Variants in SAXO3 observed in about 807,000 individuals in gnomAD.
SAXO3 encodes the protein CTB-60B18.10.
the SAXO3 span, chr19:49,018,096 G>A: frequency 2.5e-6 from 1 of 399,140 alleles, no homozygotes; most frequent in Non-Finnish European, 4.4e-6. Flanking sequence ...GGGCAGAAGC[G>A]GTCGAGCCGC....
the SAXO3 span, chr19:49,019,310 G>C: frequency 1.7e-6 from 2 of 1,195,618 alleles, no homozygotes; most frequent in Admixed American, 7.8e-5. Flanking sequence ...GTCTTAAACC[G>C]TCTTGGTGTG....
chr19:49,019,907 A>G, the SAXO3 span: 5 of 1,469,380 alleles, frequency 3.4e-6, no homozygotes, highest in East Asian at 7.6e-5. Context: ...CCCAAACTTT[A>G]CCTTTTCTCC....
the SAXO3 span, chr19:49,019,483 C>G: frequency 1.5e-5 from 18 of 1,219,082 alleles, no homozygotes; most frequent in Non-Finnish European, 1.7e-5. Context: ...AGTCCCTGGT[C>G]CTTCTGGCCT....
chr19:49,020,088 G>T, the SAXO3 span: 22 of 1,374,766 alleles, frequency 1.6e-5, no homozygotes, highest in Non-Finnish European at 2.0e-5. Context: ...GCAACTTGGG[G>T]TAGAGGGTCC....
At chr19:49,019,862 G>A in the SAXO3 span, 2 of 1,311,618 alleles carry the variant, frequency 1.5e-6, no homozygotes, top group South Asian at 1.5e-5. Flanking sequence ...CTCAAATGCA[G>A]TCCCCCGCCC....
the SAXO3 span, chr19:49,019,710 G>T: frequency 8.4e-7 from 1 of 1,187,964 alleles, no homozygotes; most frequent in East Asian, 3.2e-5. Flanking sequence ...AGTATTCCGG[G>T]GCGCGCGGGT....
At chr19:49,018,805 G>A in the SAXO3 span, 8,198 of 1,351,326 alleles carry the variant, frequency 6.1e-3, 41 homozygotes, top group Non-Finnish European at 7.6e-3. Flanking sequence ...GCCAGCCCAG[G>A]GGCTCGGCGT....
the SAXO3 span, chr19:49,019,240 G>C: frequency 7.5e-7 from 1 of 1,335,850 alleles, no homozygotes; most frequent in Non-Finnish European, 9.6e-7. Context: ...ACCTTCTGCT[G>C]TTCAAGGAAC....
At chr19:49,019,013 G>C in the SAXO3 span, 133 of 1,529,304 alleles carry the variant, frequency 8.7e-5, 1 homozygote, top group South Asian at 8.7e-4. Flanking sequence ...GAGCAAGATT[G>C]GGGGAGGAGG....
At chr19:49,018,555 A>C in the SAXO3 span, among the ~76,000 whole-genome samples, 5 of 152,046 alleles carry the variant, frequency 3.3e-5, no homozygotes, top group South Asian at 2.1e-4. Flanking sequence ...GGGAAGTAAA[A>C]GGGGACTTTC....
chr19:49,019,732 G>T, the SAXO3 span: 1 of 1,164,658 alleles, frequency 8.6e-7, no homozygotes, highest in Non-Finnish European at 1.1e-6. Context: ...CCCGCTGGGA[G>T]AGCCAGTGTA....
chr19:49,019,843 A>G, the SAXO3 span: 1 of 1,274,990 alleles, frequency 7.8e-7, no homozygotes, highest in Non-Finnish European at 1.0e-6. Flanking sequence ...CACGTGAAGG[A>G]GCAGGGGACT....
chr19:49,020,290 A>C, the SAXO3 span: 1 of 439,320 alleles, frequency 2.3e-6, no homozygotes, highest in Non-Finnish European at 4.0e-6. Context: ...TTCAGAGAGG[A>C]GTCCAAGCTC....
At chr19:49,019,105 C>T in the SAXO3 span, 6 of 1,437,782 alleles carry the variant, frequency 4.2e-6, no homozygotes, top group Middle Eastern at 2.6e-4. Context: ...CCTCGACAGC[C>T]ATGACGGCCA....
At chr19:49,018,587 T>C in the SAXO3 span, among the ~76,000 whole-genome samples, 14 of 152,082 alleles carry the variant, frequency 9.2e-5, no homozygotes, top group African/African-American at 3.1e-4. Context: ...AAGGAGTATC[T>C]GGGGGCTCAA....
the SAXO3 span, chr19:49,019,989 C>G: frequency 1.4e-5 from 21 of 1,510,730 alleles, no homozygotes; most frequent in Admixed American, 2.4e-4. Context: ...CAGGGCCCGC[C>G]ATGGGTCTTG....
chr19:49,019,867 C>G, the SAXO3 span: 1 of 1,334,682 alleles, frequency 7.5e-7, no homozygotes. Flanking sequence ...ATGCAGTCCC[C>G]CGCCCTGTCC....
At chr19:49,020,241 G>T in the SAXO3 span, 1 of 468,740 alleles carries the variant, frequency 2.1e-6, no homozygotes, top group Non-Finnish European at 3.7e-6. Flanking sequence ...CTTCCCTGGT[G>T]CCTCCTCTCT....
chr19:49,018,962 G>T, the SAXO3 span: 1 of 1,533,872 alleles, frequency 6.5e-7, no homozygotes, highest in South Asian at 1.2e-5. Flanking sequence ...TGAAAGGCCG[G>T]CCAGACAGCT....
Sources: allele counts gnomAD v4.1 joint callset (sites outside exome capture counted in the v4.1 genomes callset), GRCh38; gene constraint gnomAD v4.1.1; transcripts MANE v1.5; gene names NCBI Gene and HGNC (gene_info 2026-07-23, HGNC 2026-07-21).